SLC25A21: variants seen among roughly 807,000 people sequenced by gnomAD.
SLC25A21 encodes mitochondrial 2-oxodicarboxylate carrier.
A neutral mutation model predicts 43.8 loss-of-function variants in SLC25A21; 47 were observed. The observed-to-expected ratio is 1.07, with a 90% CI of 0.85 to 1.37. The LOEUF (loss-of-function observed/expected upper bound fraction) is 1.37. Ranked by LOEUF, SLC25A21 falls within the 40% of genes most tolerant of loss-of-function variation. The pLI, the probability that SLC25A21 is intolerant of heterozygous loss-of-function variation, is 0.00. For missense variants in SLC25A21, 352 were observed against 350.2 expected, an observed-to-expected ratio of 1.00 and a Z score of -0.04; for synonymous variants, 131 against 121.3, an observed-to-expected ratio of 1.08 and a Z score of -0.52.
chr14:36,680,333 T>C lies in SLC25A21; in HGVS notation c.*325A>G, dbSNP rs1338719777. 6.6e-5 allele frequency: 67 copies of C among 1,010,044 alleles called. No homozygotes were observed. The highest frequency in any genetic ancestry group is 7.7e-5 in the Non-Finnish European group (65 of 846,318). The allele number at this position is 1,010,044 out of a possible 1,614,324, so 62.6% of individuals were successfully genotyped here. A position where few individuals can be genotyped will look rare whatever the true frequency, so the allele number is the denominator to read the frequency against. ...GCTGATCAATACAATGAATTTTCAT[T>C]GTGAAGCATTGAAGAGGAACACAGG... On this transcript the variant is annotated 3_prime_UTR_variant, in exon 10 of 10. Coordinates refer to ENST00000331299, the MANE Select transcript of SLC25A21 (RefSeq NM_030631.4).
At chr14:36,876,960 C>T (rs1890553142) in intron 1 of SLC25A21, among the ~76,000 whole-genome samples, 1 of 149,846 alleles carries the variant, frequency 6.7e-6, no homozygotes, top group Non-Finnish European at 1.5e-5. Flanking sequence ...CATACATATA[C>T]ATATATTATT....
At chr14:37,014,626 C>T (rs1295946191) in intron 1 of SLC25A21, among the ~76,000 whole-genome samples, 1 of 152,166 alleles carries the variant, frequency 6.6e-6, no homozygotes, top group Non-Finnish European at 1.5e-5. Context: ...TCCCATGAAT[C>T]ATAAATGCTC....
chr14:36,742,236 G>C (rs1488452758), intron 3 of SLC25A21, among the ~76,000 whole-genome samples: 1 of 152,056 alleles, frequency 6.6e-6, no homozygotes, highest in Non-Finnish European at 1.5e-5. Flanking sequence ...CTGATTGAAG[G>C]CATACAATAT....
At chr14:36,798,121 C>T (rs187860572) in intron 3 of SLC25A21, among the ~76,000 whole-genome samples, 37 of 152,240 alleles carry the variant, frequency 2.4e-4, no homozygotes, top group Admixed American at 2.0e-3. Flanking sequence ...GCGTTGTTAG[C>T]GCCTTGGTGT....
chr14:36,815,793 C>G (rs954043023), intron 2 of SLC25A21, among the ~76,000 whole-genome samples: 28 of 152,192 alleles, frequency 1.8e-4, no homozygotes, highest in Admixed American at 3.9e-4. Flanking sequence ...GGGTTCTTTA[C>G]CCTGCCTATT....
chr14:36,854,329 T>C (rs1002518055), intron 2 of SLC25A21, among the ~76,000 whole-genome samples: 1 of 152,178 alleles, frequency 6.6e-6, no homozygotes, highest in Admixed American at 6.5e-5. Context: ...TTCACAGAAA[T>C]AGTTATAGTC....
At chr14:37,168,871 T>C (rs899262952) in intron 1 of SLC25A21, among the ~76,000 whole-genome samples, 2 of 152,084 alleles carry the variant, frequency 1.3e-5, no homozygotes, top group African/African-American at 2.4e-5. Flanking sequence ...GGTTAGACCA[T>C]AATCTGGCCT....
rs185586832 is a variant in SLC25A21, at chr14:37,033,725, T to C, written c.70+138556A>G. On this transcript the variant is annotated intron_variant, in intron 1 of 9. Coordinates refer to ENST00000331299, the MANE Select transcript of SLC25A21 (RefSeq NM_030631.4). ...AATATATTTTTATTCCCTCAGTCTGTGGATATGGCTGTAAGAGATGTAGCT... is the reference window on the plus strand; with the variant it reads ...AATATATTTTTATTCCCTCAGTCTGCGGATATGGCTGTAAGAGATGTAGCT... Among the ~76,000 whole-genome samples, 61 of 152,350 alleles carry C rather than the reference T, an allele frequency of 4.0e-4. 1 individual carries two copies. Among genetic ancestry groups the C allele is most frequent in the Admixed American group, 3.0e-3 (46 of 15,302 alleles).
intron 1 of SLC25A21, among the ~76,000 whole-genome samples, chr14:37,113,170 A>G (rs1963049409): frequency 6.6e-6 from 1 of 152,152 alleles, no homozygotes; most frequent in African/African-American, 2.4e-5. Flanking sequence ...GGATGCTGAA[A>G]TCATTCACCA....
chr14:36,798,707 T>C (rs753303785), intron 3 of SLC25A21, among the ~76,000 whole-genome samples: 6 of 152,124 alleles, frequency 3.9e-5, no homozygotes, highest in Non-Finnish European at 7.4e-5. Flanking sequence ...CGATATCTTT[T>C]TGTAGCTGGA....
At position 36,774,898 on chromosome 14, in the gene SLC25A21, C is replaced by G. The variant is rs536085004; in HGVS notation, c.203+39020G>C. 1.5e-3 allele frequency among the ~76,000 whole-genome samples: 223 copies of G among 152,176 alleles called. 2 individuals are homozygous for G. The highest frequency in any genetic ancestry group is 5.1e-3 in the African/African-American group (211 of 41,530). Reference sequence around the variant, plus strand: ...GTCATTTTATTTACACAAACTGATACAAATTAAAGCAAAAAGCTAATGTTT... The same window carrying G: ...GTCATTTTATTTACACAAACTGATAGAAATTAAAGCAAAAAGCTAATGTTT... On this transcript the variant is annotated intron_variant, in intron 3 of 9. Coordinates refer to ENST00000331299, the MANE Select transcript of SLC25A21 (RefSeq NM_030631.4).
chr14:37,017,890 C>T (rs1471730078), intron 1 of SLC25A21, among the ~76,000 whole-genome samples: 1 of 151,932 alleles, frequency 6.6e-6, no homozygotes, highest in African/African-American at 2.4e-5. Context: ...GAATCCAGCA[C>T]TGGGGTAATT....
chr14:37,014,625 T>C (rs1960805556), intron 1 of SLC25A21, among the ~76,000 whole-genome samples: 1 of 152,188 alleles, frequency 6.6e-6, no homozygotes, highest in Non-Finnish European at 1.5e-5. Flanking sequence ...CTCCCATGAA[T>C]CATAAATGCT....
intron 1 of SLC25A21, among the ~76,000 whole-genome samples, chr14:37,127,091 A>G (rs902078549): frequency 6.6e-6 from 1 of 152,182 alleles, no homozygotes; most frequent in Non-Finnish European, 1.5e-5. Flanking sequence ...AAGGAAAAAG[A>G]AGAAAGTGAT....
chr14:36,877,391 C>G (rs1393570952), intron 1 of SLC25A21, among the ~76,000 whole-genome samples: 2 of 152,180 alleles, frequency 1.3e-5, no homozygotes, highest in African/African-American at 4.8e-5. Flanking sequence ...TGGTAGTAAA[C>G]AGATAATAGA....
intron 7 of SLC25A21, among the ~76,000 whole-genome samples, chr14:36,702,600 T>C (rs1428395288): frequency 1.3e-5 from 2 of 152,298 alleles, no homozygotes; most frequent in East Asian, 1.9e-4. Context: ...TCTCACAGCT[T>C]GATAGTTATC....
rs118185495 is a variant in SLC25A21 at position 36,701,971 on chromosome 14, G to C, written c.603+9347C>G. On this transcript the variant is annotated intron_variant, in intron 7 of 9. Coordinates refer to ENST00000331299, the MANE Select transcript of SLC25A21 (RefSeq NM_030631.4). Reference sequence around the variant, plus strand: ...GAGAGATAATCAAGAAGAAGTCTTTGAACCAAGCTAGTTCAATGAGATTAT... The same window carrying C: ...GAGAGATAATCAAGAAGAAGTCTTTCAACCAAGCTAGTTCAATGAGATTAT... Among the ~76,000 whole-genome samples, 25 of 152,266 alleles carry C rather than the reference G, an allele frequency of 1.6e-4. No homozygotes were observed. In the East Asian group the frequency reaches 4.3e-3, roughly 26 times the overall value.
intron 3 of SLC25A21, among the ~76,000 whole-genome samples, chr14:36,775,050 A>G (rs1017874568): frequency 2.0e-5 from 3 of 152,244 alleles, no homozygotes; most frequent in Non-Finnish European, 4.4e-5. Flanking sequence ...ATTAATAAGT[A>G]TAATAACAGT....
intron 1 of SLC25A21, among the ~76,000 whole-genome samples, chr14:36,968,686 G>A (rs1959676406): frequency 6.6e-6 from 1 of 152,032 alleles, no homozygotes; most frequent in African/African-American, 2.4e-5. Context: ...TCAGCGTTGG[G>A]TCCAAGTTAC....
Sources: gnomAD v4.1 joint callset for allele counts (sites outside exome capture counted in the v4.1 genomes callset) on GRCh38, gnomAD v4.1.1 for gene constraint, MANE v1.5 for transcripts, NCBI Gene and HGNC (gene_info 2026-07-23, HGNC 2026-07-21) for gene names.